PCDHGA9: variants seen among roughly 807,000 people sequenced by gnomAD.
The protein encoded by PCDHGA9 is protocadherin gamma subfamily A, 9, also known as protocadherin gamma-A9.
PCDHGA9 carries 37 observed loss-of-function variants against 62.5 expected under a neutral mutation model. The observed-to-expected ratio is 0.59, with a 90% CI of 0.46 to 0.78. The LOEUF is 0.78. Among genes scored for constraint, PCDHGA9 ranks in the 30% least tolerant of loss-of-function variants. PCDHGA9 has a pLI of 0.00. For missense variants in PCDHGA9, 1,138 were observed against 1,166.2 expected, an observed-to-expected ratio of 0.98 and a Z score of 0.35; for synonymous variants, 459 against 484.6, an observed-to-expected ratio of 0.95 and a Z score of 0.69.
chr5:141,414,443 A>G (rs1413718059), intron 1 of PCDHGA9: 1 of 1,613,892 alleles, frequency 6.2e-7, no homozygotes, highest in Non-Finnish European at 8.5e-7. Flanking sequence ...TCCTCTTACA[A>G]TATCACAGTG....
rs1327610213 is a variant in PCDHGA9 at position 141,423,493 on chromosome 5, C to T, written c.2424+18117C>T. 5 of 1,613,984 alleles carry T rather than the reference C, an allele frequency of 3.1e-6. No homozygotes were observed. In the South Asian group the frequency reaches 5.5e-5, roughly 18 times the overall value. On this transcript the variant is annotated intron_variant, in intron 1 of 3. Coordinates refer to ENST00000573521, the MANE Select transcript of PCDHGA9 (RefSeq NM_018921.3). The stretch of plus-strand genomic sequence containing the variant: ...ACAGGCTTTCCTGCAAACCTATTCC[C>T]ACGAGGTCTCTCTCATTGCGGACTC...
chr5:141,421,418 G>C, intron 1 of PCDHGA9: 1 of 1,614,086 alleles, frequency 6.2e-7, no homozygotes, highest in Middle Eastern at 1.7e-4. Context: ...GCGAAGCGCG[G>C]AGTCCGCATC....
intron 1 of PCDHGA9, chr5:141,409,865 C>A: frequency 6.2e-7 from 1 of 1,612,574 alleles, no homozygotes; most frequent in Non-Finnish European, 8.5e-7. Flanking sequence ...GGTGGGAGAC[C>A]GCAATGACAA....
At chr5:141,466,974 C>G (rs1314224956) in intron 1 of PCDHGA9, among the ~76,000 whole-genome samples, 1 of 151,944 alleles carries the variant, frequency 6.6e-6, no homozygotes, top group Non-Finnish European at 1.5e-5. Context: ...TCTCACAGCT[C>G]ATCATTTACC....
intron 3 of PCDHGA9, among the ~76,000 whole-genome samples, chr5:141,507,625 G>C (rs2099862215): frequency 6.6e-6 from 1 of 152,256 alleles, no homozygotes; most frequent in Non-Finnish European, 1.5e-5. Context: ...AGCTGTTGTG[G>C]CCTTGCGCCC....
chr5:141,485,060 G>C lies in PCDHGA9; in HGVS notation c.2425-9747G>C. ...ACCCTTGCGGCGCCGGCCGAACCGCGCCAGAGCTGGCGCGGGGAAAGGGAG... is the reference window on the plus strand; with the variant it reads ...ACCCTTGCGGCGCCGGCCGAACCGCCCCAGAGCTGGCGCGGGGAAAGGGAG... On this transcript the variant is annotated intron_variant, in intron 1 of 3. Transcript: ENST00000573521. This position sits in a 1 kb window ranked among gnomAD's most constrained non-coding sequence, Gnocchi z 5.7. 1 of 862,304 alleles carries C rather than the reference G, an allele frequency of 1.2e-6. No individual in the cohort carries two copies. The highest frequency in any genetic ancestry group is 1.9e-6 in the Non-Finnish European group (1 of 540,422). 53.4% of individuals were successfully genotyped at this position (862,304 alleles called of 1,614,324 possible).
rs765534200 is a variant in PCDHGA9 at position 141,410,067 on chromosome 5, G to A, written c.2424+4691G>A. 8.1e-6 allele frequency: 13 copies of A among 1,612,846 alleles called. No individual in the cohort carries two copies. In the South Asian group the frequency reaches 1.3e-4, roughly 16 times the overall value. ...CCCGGACTCTTCAGCCTGGGGCTGC[G>A]CACTGGGGAGGTGCGCACGGCTCGA... is the stretch of plus-strand genomic sequence containing the variant. On this transcript the variant is annotated intron_variant, in intron 1 of 3. Transcript: ENST00000573521.
intron 1 of PCDHGA9, chr5:141,414,163 G>A (rs1455950284): frequency 5.6e-6 from 9 of 1,603,256 alleles, no homozygotes; most frequent in Non-Finnish European, 7.7e-6. Flanking sequence ...AGATGGAGGA[G>A]CATATCTTGC....
intron 3 of PCDHGA9, among the ~76,000 whole-genome samples, chr5:141,509,089 G>C (rs1366018197): frequency 6.6e-6 from 1 of 152,158 alleles, no homozygotes; most frequent in Non-Finnish European, 1.5e-5. Context: ...ACATGAAATG[G>C]GGGCTGTAGA....
chr5:141,476,317 G>T lies in PCDHGA9; in HGVS notation c.2425-18490G>T, dbSNP rs759809060. ...GTAGCCTCTCAGCCCGCAGGTTCCG[G>T]GTGGTGTCTGGAGCTAGCCGAAGAT... On this transcript the variant is annotated intron_variant, in intron 1 of 3. Transcript: ENST00000573521. This position sits in a 1 kb window ranked among gnomAD's most constrained non-coding sequence, Gnocchi z 7.6. 1.9e-6 allele frequency: 3 copies of T among 1,614,170 alleles called. No individual in the cohort carries two copies. The highest frequency in any genetic ancestry group is 1.7e-5 in the Admixed American group (1 of 60,024).
intron 1 of PCDHGA9, among the ~76,000 whole-genome samples, chr5:141,470,448 T>C (rs1384666661): frequency 6.6e-6 from 1 of 152,192 alleles, no homozygotes. Flanking sequence ...TTTAATAGCA[T>C]CTTGAATAGG....
In PCDHGA9 at chr5:141,486,805, C is replaced by A; in HGVS notation, c.2425-8002C>A. On this transcript the variant is annotated intron_variant, in intron 1 of 3. Transcript: ENST00000573521. The surrounding 1 kb of genome is among the most constrained non-coding windows in gnomAD (Gnocchi z 5.0). ...AGGCCCGGGATCGGGGCAACCCACC[C>A]CTTAGCAGCACTGTAACAGTTCGTC... 1.2e-6 allele frequency: 2 copies of A among 1,614,242 alleles called. No homozygotes were observed. Among genetic ancestry groups the A allele is most frequent in the Admixed American group, 1.7e-5 (1 of 60,034 alleles).
chr5:141,473,784 G>A (rs1457988232), intron 1 of PCDHGA9, among the ~76,000 whole-genome samples: 1 of 152,226 alleles, frequency 6.6e-6, no homozygotes, highest in Non-Finnish European at 1.5e-5. Flanking sequence ...TTTAATTCAA[G>A]AGCAGTATGA....
At chr5:141,484,061 G>A (rs570687480) in intron 1 of PCDHGA9, among the ~76,000 whole-genome samples, 8 of 152,124 alleles carry the variant, frequency 5.3e-5, no homozygotes, top group Non-Finnish European at 1.0e-4. Context: ...CTGGGGCTAA[G>A]TGAAAAGCTT....
intron 1 of PCDHGA9, among the ~76,000 whole-genome samples, chr5:141,443,858 T>C (rs1325927807): frequency 6.6e-6 from 1 of 152,162 alleles, no homozygotes; most frequent in Non-Finnish European, 1.5e-5. Context: ...GTCTGAAAAC[T>C]GAAAAAATTA....
At chr5:141,495,419 C>A (rs1434107823) in intron 2 of PCDHGA9, among the ~76,000 whole-genome samples, 1 of 152,228 alleles carries the variant, frequency 6.6e-6, no homozygotes, top group Non-Finnish European at 1.5e-5. Context: ...CCGGCCCCTC[C>A]TCCCACTGTC....
chr5:141,409,292 A>G, intron 1 of PCDHGA9: 1 of 1,614,012 alleles, frequency 6.2e-7, no homozygotes, highest in Admixed American at 1.7e-5. Flanking sequence ...ACCTCCAGGA[A>G]TGGTTGTTGC....
In PCDHGA9 at chr5:141,489,514, C is replaced by T. The variant is rs141377711; in HGVS notation, c.2425-5293C>T. 63 of 1,613,926 alleles carry T rather than the reference C, an allele frequency of 3.9e-5. No homozygotes were observed. The highest frequency in any genetic ancestry group is 6.7e-5 in the Admixed American group (4 of 60,004). ...CCTGGCAGTGAATCAAAAGATTGAC[C>T]GAGAAAGCCTATGTGGAGCCAGCAC... On this transcript the variant is annotated intron_variant, in intron 1 of 3. Coordinates refer to ENST00000573521, the MANE Select transcript of PCDHGA9 (RefSeq NM_018921.3). This position sits in a 1 kb window ranked among gnomAD's most constrained non-coding sequence, Gnocchi z 4.5.
At chr5:141,422,229 G>C in intron 1 of PCDHGA9, 4 of 1,565,880 alleles carry the variant, frequency 2.6e-6, no homozygotes, top group Non-Finnish European at 3.4e-6. Flanking sequence ...CCACGACGAT[G>C]TTGATCACTG....
Sources: allele counts gnomAD v4.1 joint callset (sites outside exome capture counted in the v4.1 genomes callset), GRCh38; gene constraint gnomAD v4.1.1; non-coding constraint Gnocchi (gnomAD v3.1); transcripts MANE v1.5; gene names NCBI Gene and HGNC (gene_info 2026-07-23, HGNC 2026-07-21).